Variants in GOT1 observed in about 807,000 individuals in gnomAD.
GOT1 encodes the protein glutamic-oxaloacetic transaminase 1.
A neutral mutation model predicts 48.2 loss-of-function variants in GOT1; 25 were observed. That is an observed-to-expected ratio of 0.52 (90% CI 0.38 to 0.72). The LOEUF is 0.72. Among genes scored for constraint, GOT1 ranks in the 30% least tolerant of loss-of-function variants. The probability of loss-of-function intolerance (pLI) is 0.00; values close to 1 mark genes in which losing one functional copy is unlikely to be tolerated. For synonymous variants in GOT1, 188 were observed against 193.8 expected, an observed-to-expected ratio of 0.97 and a Z score of 0.25; for missense variants, 380 against 520.1, an observed-to-expected ratio of 0.73 and a Z score of 2.62.
chr10:99,422,078 T>C (rs1021324520), intron 1 of GOT1, among the ~76,000 whole-genome samples: 10 of 152,228 alleles, frequency 6.6e-5, no homozygotes, highest in African/African-American at 2.4e-4. Context: ...CCAAATCTCA[T>C]GTTGAATTGT....
At chr10:99,405,969 C>A in intron 4 of GOT1, 109 bp from the exon 5 acceptor site, 1 of 803,570 alleles carries the variant, frequency 1.2e-6, no homozygotes, top group Non-Finnish European at 2.2e-6. Context: ...ATATTCTTGT[C>A]ACTCTTTCAT....
At chr10:99,429,053 CT>C (rs779414711) in intron 1 of GOT1, among the ~76,000 whole-genome samples, 1,462 of 144,570 alleles carry the variant, frequency 0.01, 14 homozygotes, top group African/African-American at 0.028. Context: ...TTAGTGAAGA[CT>C]TTTTTTTTTT....
Position 99,402,646 on chromosome 10 carries a change from T to C in GOT1, c.1036A>G (p.Lys346Glu), listed in dbSNP as rs760981253. 69 of 1,614,018 alleles carry C rather than the reference T, an allele frequency of 4.3e-5. No homozygotes were observed. The highest frequency in any genetic ancestry group is 5.1e-5 in the Non-Finnish European group (60 of 1,179,962). Residue 346 changes from lysine to glutamate, a missense_variant, in exon 8 of 9, where the codon AAA becomes GAA. Transcript: ENST00000370508. ...ATGTGGTTCCAGGTCCCAGGGGTTT[T>C]GAGGGCTTCTAGTCGTGCCCTGAGT... The part of the protein sequence containing the change: ...SELRARLEAL[K>E]TPGTWNHITD...
intron 1 of GOT1, among the ~76,000 whole-genome samples, chr10:99,429,555 C>A (rs1054810195): frequency 6.6e-6 from 1 of 152,018 alleles, no homozygotes; most frequent in African/African-American, 2.4e-5. Flanking sequence ...GGTCTTTGCA[C>A]GTGGCAAAAT....
At chr10:99,428,176 G>T (rs552058690) in intron 1 of GOT1, among the ~76,000 whole-genome samples, 1 of 152,218 alleles carries the variant, frequency 6.6e-6, no homozygotes, top group East Asian at 1.9e-4. Flanking sequence ...TCTTTTATGA[G>T]AATCACTCAA....
intron 1 of GOT1, among the ~76,000 whole-genome samples, chr10:99,429,674 C>CA (rs1321238585): frequency 6.6e-6 from 1 of 152,104 alleles, no homozygotes; most frequent in Admixed American, 6.5e-5. Context: ...AGAGGCACTC[C>CA]AATATAAATC....
At chr10:99,406,501 C>G (rs1221349637) in intron 3 of GOT1, among the ~76,000 whole-genome samples, 1 of 149,320 alleles carries the variant, frequency 6.7e-6, no homozygotes, top group African/African-American at 2.5e-5. Context: ...GGAGTTTCAA[C>G]ATAGCCTTGG....
At chr10:99,429,039 C>T (rs1262954193) in intron 1 of GOT1, among the ~76,000 whole-genome samples, 1 of 151,940 alleles carries the variant, frequency 6.6e-6, no homozygotes, top group Non-Finnish European at 1.5e-5. Flanking sequence ...CCTCCCCATA[C>T]TCCTTAGTGA....
At chr10:99,418,062 AT>A (rs1032036741) in intron 2 of GOT1, among the ~76,000 whole-genome samples, 30 of 140,316 alleles carry the variant, frequency 2.1e-4, no homozygotes, top group South Asian at 4.6e-4. Flanking sequence ...AAAAAAAAAA[AT>A]ATATATATAT....
At chr10:99,407,432 A>ATT (rs397943359) in intron 2 of GOT1, among the ~76,000 whole-genome samples, 35 of 140,378 alleles carry the variant, frequency 2.5e-4, no homozygotes, top group Non-Finnish European at 4.1e-4. Flanking sequence ...GCTTCCTCTC[A>ATT]TTTTTTTTTT....
At chr10:99,400,640 C>A (rs1041920081) in intron 8 of GOT1, among the ~76,000 whole-genome samples, 8 of 150,490 alleles carry the variant, frequency 5.3e-5, no homozygotes, top group Admixed American at 2.7e-4. Context: ...GTGTCTGAAA[C>A]AAACAAACAA....
intron 1 of GOT1, among the ~76,000 whole-genome samples, chr10:99,426,605 C>T (rs764398702): frequency 5.9e-5 from 9 of 152,228 alleles, no homozygotes; most frequent in Admixed American, 1.3e-4. Context: ...AAACTTCTTG[C>T]TACAGGTTGC....
intron 2 of GOT1, among the ~76,000 whole-genome samples, chr10:99,408,524 C>G (rs928313762): frequency 2.6e-5 from 4 of 152,028 alleles, no homozygotes; most frequent in African/African-American, 9.7e-5. Context: ...TGAGACCAGC[C>G]TGGCCAACAT....
At chr10:99,418,539 T>C (rs1016048810) in intron 2 of GOT1, among the ~76,000 whole-genome samples, 10 of 151,234 alleles carry the variant, frequency 6.6e-5, no homozygotes, top group Non-Finnish European at 1.3e-4. Context: ...TCCCATTCTG[T>C]TGCCCAGGCT....
In GOT1 at chr10:99,406,237, G is replaced by C. The variant is rs756956021; in HGVS notation, c.437C>G (p.Ala146Gly). ...TTTAAAACCAGCAGCGGAAAACACA[G>C]CATTGTGATTCTCTGCATGCAAAGA... ...VSSPTWENHN[A>G]VFSAAGFKDI... is the part of the protein sequence containing the mutation. The change falls in exon 4 of 9, where the codon GCT becomes GGT. Residue 146 changes from alanine (A) to glycine (G), a missense_variant. Coordinates refer to ENST00000370508, the MANE Select transcript of GOT1 (RefSeq NM_002079.3). 6.2e-7 allele frequency: 1 copy of C among 1,611,062 alleles called. No homozygotes were observed. Among genetic ancestry groups the C allele is most frequent in the Non-Finnish European group, 8.5e-7 (1 of 1,177,202 alleles).
intron 2 of GOT1, among the ~76,000 whole-genome samples, chr10:99,414,506 C>G (rs1589939915): frequency 6.6e-6 from 1 of 152,058 alleles, no homozygotes; most frequent in African/African-American, 2.4e-5. Flanking sequence ...CTTTAACACC[C>G]CACTGTCAAC....
At chr10:99,422,504 A>G (rs2032983983) in intron 1 of GOT1, among the ~76,000 whole-genome samples, 1 of 152,204 alleles carries the variant, frequency 6.6e-6, no homozygotes, top group Non-Finnish European at 1.5e-5. Flanking sequence ...CAAACTGTAC[A>G]TAGAATTTCA....
chr10:99,421,871 A>T (rs931227583), intron 1 of GOT1, among the ~76,000 whole-genome samples: 2 of 149,604 alleles, frequency 1.3e-5, no homozygotes. Flanking sequence ...TCCCTGACTT[A>T]AAAAAAAAAT....
chr10:99,412,016 G>A (rs1589938791), intron 2 of GOT1, among the ~76,000 whole-genome samples: 1 of 152,154 alleles, frequency 6.6e-6, no homozygotes. Flanking sequence ...AACAAGCTCT[G>A]CCTAAAATAC....
Sources: allele counts gnomAD v4.1 joint callset (sites outside exome capture counted in the v4.1 genomes callset), GRCh38; gene constraint gnomAD v4.1.1; transcripts MANE v1.5; gene names NCBI Gene and HGNC (gene_info 2026-07-23, HGNC 2026-07-21).